The following ADGRV1 variants were observed in gnomAD, a reference collection of about 807,000 sequenced individuals.
ADGRV1 encodes the protein adhesion G protein-coupled receptor V1, also known as G-protein coupled receptor 98.
A neutral mutation model predicts 596.2 loss-of-function variants in ADGRV1; 359 were observed. The ratio of observed to expected loss-of-function variants is 0.60; its 90% CI spans 0.55 to 0.66. ADGRV1 has a LOEUF of 0.66. ADGRV1 is among the 30% of genes least tolerant of loss of function. ADGRV1 has a pLI of 0.00. For missense variants in ADGRV1, 7,274 were observed against 7,575.6 expected, an observed-to-expected ratio of 0.96 and a Z score of 1.48; for synonymous variants, 2,681 against 2,679.2, an observed-to-expected ratio of 1.00 and a Z score of -0.02.
chr5:90,604,880 T>C (rs2152030761), intron 1 of ADGRV1, among the ~76,000 whole-genome samples: 1 of 152,352 alleles, frequency 6.6e-6, no homozygotes, highest in African/African-American at 2.4e-5. Flanking sequence ...GATTTTCATT[T>C]TGTGCTTTGC....
intron 85 of ADGRV1, among the ~76,000 whole-genome samples, chr5:90,987,943 A>G (rs561530038): frequency 2.4e-4 from 37 of 152,218 alleles, no homozygotes; most frequent in Non-Finnish European, 5.1e-4. Context: ...CCTGAAGTCT[A>G]ATTTTTGTCT....
intron 50 of ADGRV1, among the ~76,000 whole-genome samples, chr5:90,734,200 G>C (rs890579319): frequency 1.3e-5 from 2 of 152,056 alleles, no homozygotes; most frequent in African/African-American, 2.4e-5. Context: ...TCACATTTTG[G>C]CTATTGTGAA....
intron 84 of ADGRV1, among the ~76,000 whole-genome samples, chr5:90,985,136 T>TC (rs1780383007): frequency 6.6e-6 from 1 of 152,192 alleles, no homozygotes; most frequent in Non-Finnish European, 1.5e-5. Context: ...TCCCTGTGTT[T>TC]CCAGAATTTT....
chr5:90,675,108 T>G, intron 23 of ADGRV1, 135 bp from the exon 24 acceptor site: 1 of 621,352 alleles, frequency 1.6e-6, no homozygotes, highest in East Asian at 2.8e-5. Context: ...AAATCTTTGC[T>G]AAAATATTTT....
intron 86 of ADGRV1, among the ~76,000 whole-genome samples, chr5:91,092,888 A>G (rs1408414968): frequency 1.3e-5 from 2 of 152,114 alleles, no homozygotes; most frequent in East Asian, 1.9e-4. Context: ...AATTAGGATG[A>G]TAGTAGCTAG....
Position 90,684,042 on chromosome 5 carries a change from A to T in ADGRV1, c.6121A>T (p.Ile2041Leu). The T allele has an allele frequency of 6.2e-7, 1 of 1,613,986 alleles. No homozygotes were observed. The change falls in exon 28 of 90, where the codon ATA (isoleucine) becomes TTA (leucine). Residue 2041 changes from isoleucine (I) to leucine (L), a missense_variant. This residue lies in a region of ADGRV1 where 3,643 missense variants were observed against 3,809.2 expected (regional missense o/e 0.96). Transcript: ENST00000405460. ...GAGAGCAACTCAAGGAAGAGACTATATACCAGCTTCTGGATTTGCTCTTTT... is the reference window on the plus strand; with the variant it reads ...GAGAGCAACTCAAGGAAGAGACTATTTACCAGCTTCTGGATTTGCTCTTTT... ...LARATQGRDY[I>L]PASGFALFGA...
chr5:91,060,267 C>T (rs1787285512), intron 85 of ADGRV1, among the ~76,000 whole-genome samples: 1 of 152,052 alleles, frequency 6.6e-6, no homozygotes, highest in African/African-American at 2.4e-5. Context: ...GTTGCCCAGG[C>T]TGGAGTGCAG....
In ADGRV1 at chr5:91,102,398, T is replaced by C. The variant is rs559432069; in HGVS notation, c.18432+58T>C. On this transcript the variant is annotated intron_variant, in intron 87 of 89. Transcript: ENST00000405460. ...CATTTATCTTAATGAACACAAGGCA[T>C]AGAATTTCAATATTAAAGAGTCAAG... 71 of 1,452,884 alleles carry C rather than the reference T, an allele frequency of 4.9e-5. 1 individual carries two copies. In the Admixed American group the frequency reaches 1.0e-3, roughly 21 times the overall value. The allele number at this position is 1,452,884 out of a possible 1,614,324, so 90.0% of individuals were successfully genotyped here.
chr5:90,596,753 T>G (rs1760704614), intron 1 of ADGRV1, among the ~76,000 whole-genome samples: 1 of 152,012 alleles, frequency 6.6e-6, no homozygotes, highest in South Asian at 2.1e-4. Context: ...CAGTCCAGCT[T>G]CCGCTCGGCA....
intron 89 of ADGRV1, among the ~76,000 whole-genome samples, chr5:91,163,135 A>G (rs995723603): frequency 2.6e-5 from 4 of 152,250 alleles, no homozygotes; most frequent in Admixed American, 2.6e-4. Context: ...AAAGTAATGA[A>G]TAGTGGAGCT....
chr5:90,941,050 T>C (rs1776128873), intron 83 of ADGRV1, among the ~76,000 whole-genome samples: 2 of 151,950 alleles, frequency 1.3e-5, no homozygotes, highest in Admixed American at 1.3e-4. Context: ...TAAAATAGCA[T>C]CCTTAGTTTT....
chr5:90,949,394 G>C (rs538277683), intron 83 of ADGRV1, among the ~76,000 whole-genome samples: 1 of 152,208 alleles, frequency 6.6e-6, no homozygotes, highest in South Asian at 2.1e-4. Flanking sequence ...TGATGATAAA[G>C]GGAAATCCCA....
chr5:90,774,293 TC>T lies in ADGRV1; in HGVS notation c.12395del (p.Pro4132GlnfsTer2). ...LISIDEVEIS[P>X]VKGSASIIIR... ...TATCAATTGATGAGGTAGAAATATC[TC>T]CAGTAAAAGGTAAGAGAAATTCACA... On this transcript the variant is annotated frameshift_variant, in exon 60 of 90. Transcript: ENST00000405460. LOFTEE classifies it high-confidence loss of function. The T allele has an allele frequency of 1.3e-6, 2 of 1,536,762 alleles. No homozygotes were observed. The highest frequency in any genetic ancestry group is 1.4e-5 in the African/African-American group (1 of 73,422).
chr5:90,766,811 C>T (rs1757196292), intron 59 of ADGRV1, among the ~76,000 whole-genome samples: 1 of 152,178 alleles, frequency 6.6e-6, no homozygotes, highest in Non-Finnish European at 1.5e-5. Flanking sequence ...AGAACCTTGG[C>T]TGGAGTATCA....
At chr5:91,138,839 T>C (rs913297810) in intron 87 of ADGRV1, among the ~76,000 whole-genome samples, 1 of 151,362 alleles carries the variant, frequency 6.6e-6, no homozygotes, top group African/African-American at 2.4e-5. Flanking sequence ...TGGCACCATC[T>C]CGGCTCACTG....
chr5:90,781,025 C>T (rs1758778803), intron 64 of ADGRV1: 1 of 196,036 alleles, frequency 5.1e-6, no homozygotes, highest in Admixed American at 5.5e-5. Context: ...CTTAACCTAA[C>T]ACTGTAAATC....
intron 83 of ADGRV1, among the ~76,000 whole-genome samples, chr5:90,927,902 G>A (rs1774692031): frequency 6.6e-6 from 1 of 152,056 alleles, no homozygotes; most frequent in Non-Finnish European, 1.5e-5. Context: ...GCGTAGTTTG[G>A]CTGGATATGA....
chr5:90,959,662 G>A (rs1030164082), intron 83 of ADGRV1, among the ~76,000 whole-genome samples: 1 of 151,040 alleles, frequency 6.6e-6, no homozygotes, highest in African/African-American at 2.5e-5. Context: ...ACATATATAG[G>A]CAAGTATCCA....
At chr5:90,716,403 C>CT in intron 42 of ADGRV1, 64 bp from the exon 43 acceptor site, 1 of 1,254,140 alleles carries the variant, frequency 8.0e-7, no homozygotes, top group Non-Finnish European at 1.1e-6. Flanking sequence ...GACATCCACA[C>CT]TTTTTTCAGC....
Sources: allele counts gnomAD v4.1 joint callset (sites outside exome capture counted in the v4.1 genomes callset), GRCh38; gene constraint gnomAD v4.1.1; regional missense constraint gnomAD v4.1.1; transcripts MANE v1.5; gene names NCBI Gene and HGNC (gene_info 2026-07-23, HGNC 2026-07-21).